RELCH: variants seen among roughly 807,000 people sequenced by gnomAD.
The protein encoded by RELCH is RAB11 binding and LisH domain, coiled-coil and HEAT repeat containing.
In RELCH, 41 loss-of-function variants were observed where a neutral mutation model predicts 150.3. The ratio of observed to expected loss-of-function variants is 0.27; its 90% CI spans 0.21 to 0.35. RELCH has a LOEUF of 0.35. Among genes scored for constraint, RELCH ranks in the 10% least tolerant of loss-of-function variants. RELCH has a pLI of 1.00. For missense variants in RELCH, 1,092 were observed against 1,467.8 expected (o/e 0.74, Z 4.18); for synonymous variants, 478 against 531.8 (o/e 0.90, Z 1.39).
At chr18:62,225,172 C>T (rs1329186800) in intron 5 of RELCH, among the ~76,000 whole-genome samples, 1 of 151,354 alleles carries the variant, frequency 6.6e-6, no homozygotes, top group Non-Finnish European at 1.5e-5. Flanking sequence ...AACATCAAAC[C>T]ATACCATATA....
intron 10 of RELCH, among the ~76,000 whole-genome samples, 179 bp from the exon 11 acceptor site, chr18:62,244,585 C>G (rs1028455840): frequency 6.6e-6 from 1 of 152,198 alleles, no homozygotes; most frequent in Non-Finnish European, 1.5e-5. Context: ...CCACAACCAA[C>G]ACATAAACGT....
intron 27 of RELCH, among the ~76,000 whole-genome samples, chr18:62,292,709 T>C: frequency 6.6e-6 from 1 of 152,228 alleles, no homozygotes; most frequent in South Asian, 2.1e-4. Flanking sequence ...CCCCAAGTCA[T>C]ATATCTGATA....
chr18:62,277,244 G>C (rs2044261086), intron 22 of RELCH, among the ~76,000 whole-genome samples: 1 of 152,016 alleles, frequency 6.6e-6, no homozygotes, highest in South Asian at 2.1e-4. Context: ...TTTGCTGTCA[G>C]TGCTGGTCTG....
intron 10 of RELCH, among the ~76,000 whole-genome samples, chr18:62,236,382 T>G (rs1389230122): frequency 1.3e-5 from 2 of 151,932 alleles, no homozygotes; most frequent in Non-Finnish European, 2.9e-5. Flanking sequence ...AGTATTTTTT[T>G]GTCTATATTC....
intron 5 of RELCH, among the ~76,000 whole-genome samples, chr18:62,223,030 A>C (rs1054166442): frequency 2.6e-5 from 4 of 152,146 alleles, no homozygotes; most frequent in Non-Finnish European, 5.9e-5. Flanking sequence ...CAAGGAAAGA[A>C]AAAAATTCAA....
At chr18:62,248,783 TCCTGAGTCTAATA>T (rs1234106534) in intron 11 of RELCH, among the ~76,000 whole-genome samples, 8 of 152,218 alleles carry the variant, frequency 5.3e-5, no homozygotes, top group Non-Finnish European at 1.2e-4. Context: ...TTTTGGCTAG[TCCTGAGTCTAATA>T]CCCACAAGTA....
intron 10 of RELCH, among the ~76,000 whole-genome samples, chr18:62,240,386 A>C (rs919392106): frequency 6.6e-6 from 1 of 151,726 alleles, no homozygotes. Flanking sequence ...TGACTCAAAG[A>C]AAACCATTTT....
intron 11 of RELCH, among the ~76,000 whole-genome samples, chr18:62,250,746 T>G (rs1324386288): frequency 1.3e-5 from 2 of 152,236 alleles, no homozygotes; most frequent in African/African-American, 4.8e-5. Context: ...AAACAATTAG[T>G]AACTAATCTG....
intron 14 of RELCH, among the ~76,000 whole-genome samples, 188 bp from the exon 15 acceptor site, chr18:62,258,324 A>G (rs1259013265): frequency 1.3e-5 from 2 of 151,982 alleles, no homozygotes; most frequent in Non-Finnish European, 2.9e-5. Context: ...GAGGTATTCT[A>G]TGTTTACCAC....
intron 5 of RELCH, among the ~76,000 whole-genome samples, chr18:62,225,820 A>G (rs956242034): frequency 1.3e-5 from 2 of 151,766 alleles, no homozygotes; most frequent in Non-Finnish European, 2.9e-5. Context: ...TTAAGTTAAA[A>G]GTTGTTTAGT....
chr18:62,191,106 G>A (rs867319788), intron 1 of RELCH, among the ~76,000 whole-genome samples: 3 of 152,136 alleles, frequency 2.0e-5, no homozygotes, highest in Admixed American at 2.0e-4. Flanking sequence ...TGTCTTTTAA[G>A]ACATTTGTGT....
intron 22 of RELCH, among the ~76,000 whole-genome samples, chr18:62,278,232 A>G (rs1221721708): frequency 3.9e-5 from 6 of 152,144 alleles, no homozygotes; most frequent in Non-Finnish European, 8.8e-5. Flanking sequence ...GATAGCAGAA[A>G]TTTCAAGATG....
chr18:62,230,256 A>G (rs1330559759), intron 8 of RELCH, among the ~76,000 whole-genome samples: 3 of 151,998 alleles, frequency 2.0e-5, no homozygotes, highest in Non-Finnish European at 4.4e-5. Flanking sequence ...TGAGCCCAGG[A>G]GTTCTAGACC....
intron 10 of RELCH, among the ~76,000 whole-genome samples, chr18:62,241,943 G>C (rs145358454): frequency 1.4e-4 from 22 of 152,158 alleles, no homozygotes; most frequent in African/African-American, 3.4e-4. Flanking sequence ...TAAATAAATG[G>C]ATAATTGAGA....
At chr18:62,247,765 T>G (rs1211869127) in intron 11 of RELCH, among the ~76,000 whole-genome samples, 1 of 152,102 alleles carries the variant, frequency 6.6e-6, no homozygotes, top group East Asian at 1.9e-4. Flanking sequence ...CAGGCTGGTC[T>G]TGAACTCCTG....
chr18:62,260,710 A>G (rs571813417), intron 15 of RELCH, among the ~76,000 whole-genome samples: 1 of 152,156 alleles, frequency 6.6e-6, no homozygotes, highest in East Asian at 1.9e-4. Context: ...AATATGGTAT[A>G]TATAAACAAT....
At position 62,199,737 on chromosome 18, in the gene RELCH, A is replaced by G. The variant is rs1242993405; in HGVS notation, c.527-11416A>G. 3.9e-5 allele frequency among the ~76,000 whole-genome samples: 6 copies of G among 152,208 alleles called. No individual in the cohort carries two copies. The South Asian group carries it at 1.2e-3, about 32-fold the overall frequency. ...GCGATCAGAACCTGGATGCTCTTAC[A>G]TATTATTCAAGAGAACCAATGGTTT... is the stretch of plus-strand genomic sequence containing the variant. On this transcript the variant is annotated intron_variant, in intron 1 of 28. Coordinates refer to ENST00000644646, the MANE Select transcript of RELCH (RefSeq NM_001346231.2).
intron 21 of RELCH, among the ~76,000 whole-genome samples, chr18:62,274,816 C>A (rs914117044): frequency 6.6e-6 from 1 of 152,230 alleles, no homozygotes; most frequent in Non-Finnish European, 1.5e-5. Context: ...TTATCTGTCA[C>A]AATTGTGAAT....
chr18:62,291,779 T>C, intron 27 of RELCH, 148 bp downstream of exon 27: 1 of 589,484 alleles, frequency 1.7e-6, no homozygotes, highest in Non-Finnish European at 3.0e-6. Context: ...CTAGATGCGA[T>C]ATCTTCAGCA....
Sources: gnomAD v4.1 joint callset for allele counts (sites outside exome capture counted in the v4.1 genomes callset) on GRCh38, gnomAD v4.1.1 for gene constraint, MANE v1.5 for transcripts, NCBI Gene and HGNC (gene_info 2026-07-23, HGNC 2026-07-21) for gene names.